The following NLRP9 variants were observed in gnomAD, a reference collection of about 807,000 sequenced individuals.
NLRP9 encodes the protein NACHT, LRR and PYD domains-containing protein 9.
NLRP9 carries 88 observed loss-of-function variants against 83.1 expected under a neutral mutation model. That is an observed-to-expected ratio of 1.06 (90% confidence interval 0.89 to 1.26). The LOEUF (loss-of-function observed/expected upper bound fraction) is 1.26, where lower values mean the gene tolerates loss of function less well. Among genes scored for constraint, NLRP9 ranks in the 50% most tolerant of loss-of-function variants. NLRP9 has a pLI of 0.00. For missense variants in NLRP9, 1,308 were observed against 1,179.3 expected (o/e 1.11, Z -1.60); for synonymous variants, 521 against 447.6 (o/e 1.16, Z -2.07).
In NLRP9 at chr19:55,729,996, T is replaced by A. The variant is rs1024328217; in HGVS notation, c.1833-4A>T. ...GTAGACGAGCTTCTCATTGTAACTA[T>A]GAGAGAACAAAGATTGTGATTCTCC... On this transcript the variant is annotated splice_polypyrimidine_tract_variant and splice_region_variant and intron_variant, in intron 2 of 8. Coordinates refer to ENST00000332836, the MANE Select transcript of NLRP9 (RefSeq NM_176820.4). The A allele has an allele frequency of 1.2e-6, 2 of 1,609,988 alleles. No homozygotes were observed. Among genetic ancestry groups the A allele is most frequent in the African/African-American group, 2.7e-5 (2 of 74,618 alleles).
chr19:55,711,751 T>C (rs780193705), intron 8 of NLRP9, 49 bp downstream of exon 8: 3 of 1,583,028 alleles, frequency 1.9e-6, no homozygotes, highest in Non-Finnish European at 2.6e-6. Context: ...GCCAATGAAC[T>C]AAGCTCGTTC....
intron 5 of NLRP9, 93 bp downstream of exon 5, chr19:55,716,635 A>ACC: frequency 9.9e-7 from 1 of 1,012,460 alleles, no homozygotes; most frequent in Non-Finnish European, 1.5e-6. Flanking sequence ...ATTCTGCTGC[A>ACC]CCCCTCAGTG....
Position 55,708,927 on chromosome 19 carries a change from C to A in NLRP9, c.2961G>T (p.Arg987Ser), listed in dbSNP as rs1200849764. The A allele has an allele frequency of 6.4e-7, 1 of 1,559,054 alleles. No individual in the cohort carries two copies. The highest frequency in any genetic ancestry group is 8.6e-7 in the Non-Finnish European group (1 of 1,160,282). ...GPWIDEEYKI[R>S]GVLL ...GTGTTCCCCATCAGAGGAGCACACC[C>A]CTGATCTTGTATTCCTCGTCAATCC... The change falls in exon 9 of 9, where the codon AGG (arginine) becomes AGT (serine). Residue 987 changes from arginine (R) to serine (S), a missense_variant. Coordinates refer to ENST00000332836, the MANE Select transcript of NLRP9 (RefSeq NM_176820.4).
At chr19:55,724,696 T>C (rs538045031) in intron 3 of NLRP9, among the ~76,000 whole-genome samples, 1 of 152,264 alleles carries the variant, frequency 6.6e-6, no homozygotes, top group East Asian at 1.9e-4. Flanking sequence ...CTTGTTGCTT[T>C]TGCAAGATTG....
At chr19:55,724,296 T>C (rs1988334601) in intron 3 of NLRP9, 152 bp from the exon 4 acceptor site, 2 of 595,812 alleles carry the variant, frequency 3.4e-6, no homozygotes, top group Non-Finnish European at 2.9e-6. Context: ...TATTTCTCGA[T>C]GGGGTTTTTA....
rs1396494223 is a variant in NLRP9 at position 55,709,100 on chromosome 19, CCT to C, written c.2844-58_2844-57del. 4 of 1,314,038 alleles carry C rather than the reference CCT, an allele frequency of 3.0e-6. No homozygotes were observed. The Admixed American group carries it at 8.2e-5, about 27-fold the overall frequency. 81.4% of individuals were successfully genotyped at this position (1,314,038 alleles called of 1,614,324 possible). A position where few individuals can be genotyped will look rare whatever the true frequency, so the allele number is the denominator to read the frequency against. On this transcript the variant is annotated intron_variant, in intron 8 of 8. Transcript: ENST00000332836. The stretch of plus-strand genomic sequence containing the variant: ...TGTTTTTCATTTTTACACAGTATTG[CCT>C]CTCTACATTCTGATGTCTACCTCTC...
chr19:55,710,437 T>C (rs536169739), intron 8 of NLRP9, among the ~76,000 whole-genome samples: 7 of 152,188 alleles, frequency 4.6e-5, no homozygotes, highest in African/African-American at 1.7e-4. Context: ...ATTCGTGATA[T>C]GGTTTGAATC....
At chr19:55,727,273 T>C (rs1412238637) in intron 3 of NLRP9, among the ~76,000 whole-genome samples, 2 of 152,100 alleles carry the variant, frequency 1.3e-5, no homozygotes, top group African/African-American at 4.8e-5. Context: ...AAATAAAAGA[T>C]CAATTATTTA....
At chr19:55,735,694 T>A (rs567809582) in intron 1 of NLRP9, among the ~76,000 whole-genome samples, 3,228 of 150,656 alleles carry the variant, frequency 0.021, 82 homozygotes, top group African/African-American at 0.06. Flanking sequence ...ATTAAAAAAT[T>A]TTTTTTTTTA....
chr19:55,711,334 G>T (rs1987714804), intron 8 of NLRP9: 1 of 1,056,952 alleles, frequency 9.5e-7, no homozygotes, highest in Non-Finnish European at 1.2e-6. Flanking sequence ...TTTCAAATAG[G>T]TACAACTCTA....
intron 8 of NLRP9, chr19:55,709,251 C>T (rs998434694): frequency 1.4e-5 from 5 of 352,926 alleles, no homozygotes; most frequent in African/African-American, 2.1e-5. Flanking sequence ...ATTTCATATA[C>T]AGGATGTATC....
chr19:55,712,461 A>G lies in NLRP9; in HGVS notation c.2631T>C (p.Cys877=). ...TACAGTGAGGATGCTGCAAAGCTGC[A>G]CATAACTGTCTGACACCAGTGTCTC... The part of the protein sequence containing the change: ...EIGDTGVRQL[C]AALQHPHCKL... The change falls in exon 7 of 9, where the codon TGT becomes TGC. Residue 877 remains cysteine, a synonymous_variant. Coordinates refer to ENST00000332836, the MANE Select transcript of NLRP9 (RefSeq NM_176820.4). 6.2e-7 allele frequency: 1 copy of G among 1,612,894 alleles called. No homozygotes were observed. The highest frequency in any genetic ancestry group is 8.5e-7 in the Non-Finnish European group (1 of 1,179,864).
chr19:55,711,257 AT>A lies in NLRP9; in HGVS notation c.2843+542del, dbSNP rs1013250185. 72 of 543,200 alleles carry A rather than the reference AT, an allele frequency of 1.3e-4. No individual in the cohort carries two copies. The African/African-American group carries it at 1.4e-3, about 11-fold the overall frequency. 33.6% of individuals were successfully genotyped at this position (543,200 alleles called of 1,614,324 possible). ...CATTTGTTTTTTAAAAAATAAAAAA[AT>A]AACTTTTAAAAATTAAAAAAATAAA... On this transcript the variant is annotated intron_variant, in intron 8 of 8. Coordinates refer to ENST00000332836, the MANE Select transcript of NLRP9 (RefSeq NM_176820.4).
At chr19:55,711,347 G>C (rs1272463361) in intron 8 of NLRP9, 7 of 1,134,512 alleles carry the variant, frequency 6.2e-6, no homozygotes, top group Non-Finnish European at 7.7e-6. Flanking sequence ...CAACTCTAAA[G>C]GCAAACCTAA....
Position 55,708,944 on chromosome 19 carries a change from C to A in NLRP9, c.2944G>T (p.Glu982Ter). Residue 982 changes from glutamate (E) to a stop codon, truncating the protein, a stop_gained, in exon 9 of 9, where the codon GAG (glutamate) becomes TAG (stop). Coordinates refer to ENST00000332836, the MANE Select transcript of NLRP9 (RefSeq NM_176820.4). LOFTEE classifies it low-confidence loss of function (END_TRUNC). ...AGCACACCCCTGATCTTGTATTCCT[C>A]GTCAATCCAAGGTCCATGTGAAATG... ...LTISHGPWIDEEYKIRGVLL is the reference protein window; with the variant it reads ...LTISHGPWID 1.9e-6 allele frequency: 3 copies of A among 1,570,806 alleles called. No homozygotes were observed. The highest frequency in any genetic ancestry group is 2.6e-6 in the Non-Finnish European group (3 of 1,163,556).
intron 8 of NLRP9, chr19:55,711,570 C>A (rs929580517): frequency 3.0e-6 from 3 of 1,008,856 alleles, no homozygotes; most frequent in Non-Finnish European, 4.4e-6. Context: ...TTGATTGTCA[C>A]AACTGAGGGA....
chr19:55,730,035 A>G, intron 2 of NLRP9, 43 bp from the exon 3 acceptor site: 4 of 1,559,486 alleles, frequency 2.6e-6, no homozygotes, highest in Non-Finnish European at 3.5e-6. Context: ...GGCTAAACTC[A>G]ATTCAAGACA....
At position 55,711,533 on chromosome 19, in the gene NLRP9, G is replaced by A. The variant is rs777331065; in HGVS notation, c.2843+267C>T. The A allele has an allele frequency of 1.9e-5, 23 of 1,236,832 alleles. No homozygotes were observed. The East Asian group carries it at 7.1e-4, about 38-fold the overall frequency. The allele number at this position is 1,236,832 out of a possible 1,614,324, so 76.6% of individuals were successfully genotyped here. A position where few individuals can be genotyped will look rare whatever the true frequency, so the allele number is the denominator to read the frequency against. ...ACCTGGTGCAACTGTGTCTCCGAGG[G>A]ACTTCTGACAATTTCTGGAGCTCTT... On this transcript the variant is annotated intron_variant, in intron 8 of 8. Transcript: ENST00000332836.
In NLRP9 at chr19:55,708,821, G is replaced by C. The variant is rs1987558319; in HGVS notation, c.*91C>G. On this transcript the variant is annotated 3_prime_UTR_variant, in exon 9 of 9. Coordinates refer to ENST00000332836, the MANE Select transcript of NLRP9 (RefSeq NM_176820.4). ...TCTGAAATCACAGCCCTGCTGCCAT[G>C]ATGTGCAATTACAGGATAGAGGTGC... 1 of 825,850 alleles carries C rather than the reference G, an allele frequency of 1.2e-6. No homozygotes were observed. Among genetic ancestry groups the C allele is most frequent in the Admixed American group, 3.0e-5 (1 of 33,542 alleles). The allele number at this position is 825,850 out of a possible 1,614,324, so 51.2% of individuals were successfully genotyped here.
Sources: gnomAD v4.1 joint callset for allele counts (sites outside exome capture counted in the v4.1 genomes callset) on GRCh38, gnomAD v4.1.1 for gene constraint, MANE v1.5 for transcripts, NCBI Gene and HGNC (gene_info 2026-07-23, HGNC 2026-07-21) for gene names.